BCAP29: variants seen among roughly 807,000 people sequenced by gnomAD.
BCAP29 encodes the protein B cell receptor associated protein 29.
Under a neutral mutation model 31.8 loss-of-function variants are expected in BCAP29, and 34 were observed. The ratio of observed to expected loss-of-function variants is 1.07; its 90% confidence interval spans 0.81 to 1.42. The LOEUF (loss-of-function observed/expected upper bound fraction) is 1.42. BCAP29 is among the 40% of genes most tolerant of loss of function. BCAP29 has a pLI of 0.00. For missense variants in BCAP29, 314 were observed against 269.2 expected (o/e 1.17, Z -1.16); for synonymous variants, 104 against 91.3 (o/e 1.14, Z -0.79).
intron 5 of BCAP29, among the ~76,000 whole-genome samples, chr7:107,599,309 TTA>T (rs377116339): frequency 0.045 from 3,058 of 68,654 alleles, 130 homozygotes; most frequent in African/African-American, 0.055. Flanking sequence ...TATATAAATT[TTA>T]TATATATATA....
intron 3 of BCAP29, among the ~76,000 whole-genome samples, chr7:107,585,204 G>C (rs1286559847): frequency 6.6e-6 from 1 of 152,120 alleles, no homozygotes; most frequent in Non-Finnish European, 1.5e-5. Flanking sequence ...GCGAACTTGG[G>C]ACCCTAACCG....
chr7:107,588,619 T>G (rs1329352930), intron 3 of BCAP29, among the ~76,000 whole-genome samples: 1 of 152,192 alleles, frequency 6.6e-6, no homozygotes, highest in Non-Finnish European at 1.5e-5. Flanking sequence ...GGAATCATAC[T>G]GGGTGTGATC....
At chr7:107,589,919 A>T (rs1808413988) in intron 3 of BCAP29, among the ~76,000 whole-genome samples, 2 of 152,140 alleles carry the variant, frequency 1.3e-5, no homozygotes. Context: ...AAATGCTGGG[A>T]TTACAGATGA....
In BCAP29 at chr7:107,606,109, A is replaced by G. The variant is rs919511240; in HGVS notation, c.589+5604A>G. 4.6e-5 allele frequency among the ~76,000 whole-genome samples: 7 copies of G among 152,342 alleles called. No homozygotes were observed. In the South Asian group the frequency reaches 1.5e-3, roughly 32 times the overall value. ...TTTTTTGGCTTGAATTATCTAATTAATTGGCTGTATTCCAACTTTACTTTG... is the reference window on the plus strand; with the variant it reads ...TTTTTTGGCTTGAATTATCTAATTAGTTGGCTGTATTCCAACTTTACTTTG... On this transcript the variant is annotated intron_variant, in intron 6 of 7. Transcript: ENST00000005259.
chr7:107,608,777 A>G (rs1466373904), intron 6 of BCAP29, among the ~76,000 whole-genome samples: 1 of 152,226 alleles, frequency 6.6e-6, no homozygotes, highest in Non-Finnish European at 1.5e-5. Flanking sequence ...GATTACTATC[A>G]GGTGACTAAA....
In BCAP29 at chr7:107,599,190, T is replaced by C. The variant is rs1298415710; in HGVS notation, c.481-1207T>C. Among the ~76,000 whole-genome samples, 24 of 86,224 alleles carry C rather than the reference T, an allele frequency of 2.8e-4. 1 individual carries two copies. Among genetic ancestry groups the C allele is most frequent in the African/African-American group, 9.0e-4 (22 of 24,412 alleles). The allele number at this position is 86,224 out of a possible 152,430, so 56.6% of individuals were successfully genotyped here. Reference sequence around the variant, plus strand: ...ATATAAATATATTAAAATTTATATGTATATAAATACATATTTATAAATATA... The same window carrying C: ...ATATAAATATATTAAAATTTATATGCATATAAATACATATTTATAAATATA... On this transcript the variant is annotated intron_variant, in intron 5 of 7. Transcript: ENST00000005259.
At position 107,595,856 on chromosome 7, in the gene BCAP29, T is replaced by A. The variant is rs1190445007; in HGVS notation, c.345-11T>A. 6.3e-7 allele frequency: 1 copy of A among 1,592,026 alleles called. No individual in the cohort carries two copies. The highest frequency in any genetic ancestry group is 1.9e-5 in the Admixed American group (1 of 53,004). On this transcript the variant is annotated splice_polypyrimidine_tract_variant and intron_variant, in intron 4 of 7. Transcript: ENST00000005259. ...TGGCCAGTAATACATTATTCTGGTT[T>A]TTTTTCTTAGAGTTTTGAGACGTCT...
chr7:107,584,979 A>G (rs1563125331), intron 3 of BCAP29, among the ~76,000 whole-genome samples: 1 of 152,238 alleles, frequency 6.6e-6, no homozygotes, highest in African/African-American at 2.4e-5. Flanking sequence ...TATTTTAAAA[A>G]TTAAAAGTAG....
At chr7:107,616,599 A>G (rs530879377) in intron 7 of BCAP29, among the ~76,000 whole-genome samples, 1 of 152,176 alleles carries the variant, frequency 6.6e-6, no homozygotes, top group Non-Finnish European at 1.5e-5. Flanking sequence ...AGCACTTTAT[A>G]TATTTATAAT....
downstream of BCAP29, chr7:107,620,653 C>G (rs1015927764): frequency 6.6e-6 from 1 of 152,122 alleles, no homozygotes; most frequent in Non-Finnish European, 1.5e-5. Context: ...AGGTTCTGGT[C>G]TTTAGGAAGT....
At chr7:107,597,998 G>A (rs1214021107) in intron 5 of BCAP29, among the ~76,000 whole-genome samples, 1 of 152,074 alleles carries the variant, frequency 6.6e-6, no homozygotes, top group Non-Finnish European at 1.5e-5. Flanking sequence ...GTTGTAGCTG[G>A]TAATCATTAA....
At chr7:107,590,905 T>C (rs1475517614) in intron 3 of BCAP29, among the ~76,000 whole-genome samples, 1 of 152,012 alleles carries the variant, frequency 6.6e-6, no homozygotes, top group Non-Finnish European at 1.5e-5. Context: ...GAAATTAATA[T>C]AGTGGGGTCA....
At chr7:107,594,629 G>A in intron 4 of BCAP29, among the ~76,000 whole-genome samples, 1 of 152,060 alleles carries the variant, frequency 6.6e-6, no homozygotes, top group East Asian at 1.9e-4. Context: ...AGCCTCCTGA[G>A]TAGCTGGGAG....
At chr7:107,592,816 A>G (rs1406100275) in intron 3 of BCAP29, among the ~76,000 whole-genome samples, 4 of 152,214 alleles carry the variant, frequency 2.6e-5, no homozygotes, top group Admixed American at 2.6e-4. Flanking sequence ...TGCTAAGTGA[A>G]GGAAGCCAGA....
chr7:107,594,676 G>T (rs1809487091), intron 4 of BCAP29, among the ~76,000 whole-genome samples: 1 of 151,918 alleles, frequency 6.6e-6, no homozygotes. Flanking sequence ...TAATTTTTTT[G>T]TATTTTCAGT....
rs749309486 is a variant in BCAP29 at position 107,593,982 on chromosome 7, C to T, written c.221C>T (p.Ser74Phe). The T allele has an allele frequency of 2.5e-6, 4 of 1,612,226 alleles. No individual in the cohort carries two copies. Among genetic ancestry groups the T allele is most frequent in the African/African-American group, 2.7e-5 (2 of 74,790 alleles). Residue 74 changes from serine to phenylalanine, a missense_variant, in exon 4 of 8, where the codon TCC (serine) becomes TTC (phenylalanine). Physicochemically the swap from Ser to Phe is radical, Grantham distance 155. Coordinates refer to ENST00000005259, the MANE Select transcript of BCAP29 (RefSeq NM_018844.4). Reference sequence around the variant, plus strand: ...GCTGTGAGAGAAGTAAGGAAATATTCCTCAGTTCATACCATTGAGAAGAGC... The same window carrying T: ...GCTGTGAGAGAAGTAAGGAAATATTTCTCAGTTCATACCATTGAGAAGAGC... ...LDAVREVRKY[S>F]SVHTIEKSST...
intron 2 of BCAP29, among the ~76,000 whole-genome samples, chr7:107,581,440 T>C (rs1333944494): frequency 6.6e-6 from 1 of 152,234 alleles, no homozygotes; most frequent in Non-Finnish European, 1.5e-5. Flanking sequence ...GTATTAGCAT[T>C]AGTTCGTTAG....
At chr7:107,618,198 T>C in intron 7 of BCAP29, 130 bp from the exon 8 acceptor site, 1 of 643,926 alleles carries the variant, frequency 1.6e-6, no homozygotes, top group Non-Finnish European at 2.4e-6. Flanking sequence ...ACTTTCTCAA[T>C]CCTTTTTTTC....
Position 107,607,635 on chromosome 7 carries a change from C to CTTT in BCAP29, c.590-5682_590-5680dup, listed in dbSNP as rs57817003. On this transcript the variant is annotated intron_variant, in intron 6 of 7. Transcript: ENST00000005259. ...TGAATTCCATGTTTTCTTTCTTTTT[C>CTTT]TTTTTTTTTTTTTTTTTCCGAGACA... Among the ~76,000 whole-genome samples, 472 of 132,604 alleles carry CTTT rather than the reference C, an allele frequency of 3.6e-3. 5 individuals carry two copies. The highest frequency in any genetic ancestry group is 0.012 in the African/African-American group (443 of 36,072). The allele number at this position is 132,604 out of a possible 152,430, so 87.0% of individuals were successfully genotyped here.
Sources: allele counts gnomAD v4.1 joint callset (sites outside exome capture counted in the v4.1 genomes callset), GRCh38; gene constraint gnomAD v4.1.1; transcripts MANE v1.5; gene names NCBI Gene and HGNC (gene_info 2026-07-23, HGNC 2026-07-21).